NDUFA12: variants seen among roughly 807,000 people sequenced by gnomAD.
NDUFA12 encodes the protein NADH:ubiquinone oxidoreductase subunit A12.
NDUFA12 carries 17 observed loss-of-function variants against 20.3 expected under a neutral mutation model. That is an observed-to-expected ratio of 0.84 (90% confidence interval 0.57 to 1.26). NDUFA12 has a LOEUF of 1.26. Among genes scored for constraint, NDUFA12 ranks in the 50% most tolerant of loss-of-function variants. The probability of loss-of-function intolerance (pLI) is 0.00; values close to 1 mark genes in which losing one functional copy is unlikely to be tolerated. For missense variants in NDUFA12, 191 were observed against 183.7 expected (o/e 1.04, Z -0.23); for synonymous variants, 72 against 63.6 (o/e 1.13, Z -0.63).
chr12:94,994,881 GC>G (rs1183373217), intron 2 of NDUFA12, among the ~76,000 whole-genome samples: 1 of 152,124 alleles, frequency 6.6e-6, no homozygotes, highest in East Asian at 1.9e-4. Flanking sequence ...CTTAAACTGA[GC>G]AAAGACTTGG....
At chr12:95,003,372 C>A (rs547765908) in intron 1 of NDUFA12, among the ~76,000 whole-genome samples, 5 of 152,316 alleles carry the variant, frequency 3.3e-5, no homozygotes. Flanking sequence ...CCCAGATGCC[C>A]TTGCCTCCGA....
intron 3 of NDUFA12, among the ~76,000 whole-genome samples, chr12:94,975,748 A>G (rs964833609): frequency 1.3e-5 from 2 of 152,212 alleles, no homozygotes; most frequent in African/African-American, 4.8e-5. Flanking sequence ...ATTAACATTT[A>G]TGCTATAGAT....
chr12:95,003,464 A>C, intron 1 of NDUFA12, 131 bp downstream of exon 1: 1 of 958,478 alleles, frequency 1.0e-6, no homozygotes, highest in Non-Finnish European at 1.7e-6. Context: ...GTGGCAAGGC[A>C]GAGATTGGGG....
intron 3 of NDUFA12, among the ~76,000 whole-genome samples, chr12:94,981,158 G>A (rs1038993594): frequency 1.3e-5 from 2 of 152,314 alleles, no homozygotes; most frequent in Non-Finnish European, 1.5e-5. Context: ...AGCTGGGCAC[G>A]GTAGTTCACA....
intron 3 of NDUFA12, among the ~76,000 whole-genome samples, chr12:94,991,478 T>C (rs1401902956): frequency 1.3e-5 from 2 of 151,516 alleles, no homozygotes; most frequent in South Asian, 2.1e-4. Flanking sequence ...CTGTAATCCC[T>C]ACACTTTGCG....
intron 3 of NDUFA12, among the ~76,000 whole-genome samples, chr12:94,992,766 GT>G (rs1762126876): frequency 6.6e-6 from 1 of 152,148 alleles, no homozygotes; most frequent in Admixed American, 6.6e-5. Context: ...CAGATACTAA[GT>G]GAACAAGTTT....
chr12:94,979,648 T>C (rs1250423978), intron 3 of NDUFA12, among the ~76,000 whole-genome samples: 2 of 148,082 alleles, frequency 1.4e-5, no homozygotes, highest in Admixed American at 1.4e-4. Context: ...CTGGCTAACA[T>C]GGAGAAACCC....
At chr12:95,002,437 CAAAAAAA>C (rs71075895) in intron 2 of NDUFA12, among the ~76,000 whole-genome samples, 4 of 63,620 alleles carry the variant, frequency 6.3e-5, no homozygotes, top group Admixed American at 2.0e-4. Flanking sequence ...GACTCCATCT[CAAAAAAA>C]AAAAAAAAAA....
Position 94,984,714 on chromosome 12 carries a change from C to CAAA in NDUFA12, c.257+9453_257+9455dup, listed in dbSNP as rs1162774247. On this transcript the variant is annotated intron_variant, in intron 3 of 3. Coordinates refer to ENST00000327772, the MANE Select transcript of NDUFA12 (RefSeq NM_018838.5). Reference sequence around the variant, plus strand: ...AATGACCCCCTCTAATGCTAATAGCCAAAAAAAAAAAACAACAAAAAACCC... The same window carrying CAAA: ...AATGACCCCCTCTAATGCTAATAGCCAAAAAAAAAAAAAAACAACAAAAAACCC... 5.0e-3 allele frequency among the ~76,000 whole-genome samples: 34 copies of CAAA among 6,834 alleles called. 1 individual carries two copies. Among genetic ancestry groups the CAAA allele is most frequent in the African/African-American group, 7.3e-3 (11 of 1,498 alleles). 4.5% of individuals were successfully genotyped at this position (6,834 alleles called of 152,430 possible).
chr12:94,996,324 T>TAC (rs71075891), intron 2 of NDUFA12, among the ~76,000 whole-genome samples: 15,987 of 141,100 alleles, frequency 0.11, 1,079 homozygotes, highest in East Asian at 0.18. Flanking sequence ...CATATATAGG[T>TAC]ACACACACAC....
At chr12:94,982,275 CTT>C (rs201781364) in intron 3 of NDUFA12, among the ~76,000 whole-genome samples, 1 of 135,672 alleles carries the variant, frequency 7.4e-6, no homozygotes. Flanking sequence ...TTTTTCTTTT[CTT>C]TTTTTTTTTT....
chr12:94,999,364 C>G (rs1874944633), intron 2 of NDUFA12, among the ~76,000 whole-genome samples: 1 of 152,146 alleles, frequency 6.6e-6, no homozygotes, highest in South Asian at 2.1e-4. Context: ...AATCTAAGAC[C>G]TGAAAACATA....
rs138721004 is a variant in NDUFA12, at chr12:94,971,446, G to A, written c.432C>T (p.Tyr144=). 8 of 1,614,028 alleles carry A rather than the reference G, an allele frequency of 5.0e-6. No homozygotes were observed. The East Asian group carries it at 1.6e-4, about 31-fold the overall frequency. Residue 144 remains tyrosine (Y), a synonymous_variant, in exon 4 of 4, where the codon TAC becomes TAT. Coordinates refer to ENST00000327772, the MANE Select transcript of NDUFA12 (RefSeq NM_018838.5). ...CAACTGTTCTTCATTGTCTTTACTTGTAAGGTGTTGAAGGTGGGATCCACT... is the reference window on the plus strand; with the variant it reads ...CAACTGTTCTTCATTGTCTTTACTTATAAGGTGTTGAAGGTGGGATCCACT... ...IQEWIPPSTP[Y]K
chr12:94,983,940 G>A (rs896206461), intron 3 of NDUFA12, among the ~76,000 whole-genome samples: 18 of 152,248 alleles, frequency 1.2e-4, no homozygotes, highest in Non-Finnish European at 2.4e-4. Context: ...CCAGCAAGAT[G>A]TGTCAGAGCC....
chr12:94,985,444 G>C (rs562007376), intron 3 of NDUFA12, among the ~76,000 whole-genome samples: 1 of 151,852 alleles, frequency 6.6e-6, no homozygotes, highest in South Asian at 2.1e-4. Flanking sequence ...CTAACATGGT[G>C]AAACCTCGTC....
chr12:94,988,221 A>C (rs1874516890), intron 3 of NDUFA12, among the ~76,000 whole-genome samples: 1 of 152,124 alleles, frequency 6.6e-6, no homozygotes, highest in Non-Finnish European at 1.5e-5. Context: ...AGCCCAACCA[A>C]AAAGCCCTAA....
At chr12:94,989,663 T>C (rs938145310) in intron 3 of NDUFA12, among the ~76,000 whole-genome samples, 1 of 152,252 alleles carries the variant, frequency 6.6e-6, no homozygotes, top group Non-Finnish European at 1.5e-5. Context: ...CTTTGAATCC[T>C]CACTTGCCCT....
intron 3 of NDUFA12, among the ~76,000 whole-genome samples, chr12:94,989,026 G>A (rs944394086): frequency 6.6e-6 from 1 of 152,108 alleles, no homozygotes; most frequent in Non-Finnish European, 1.5e-5. Context: ...TCTTTGAACA[G>A]ACCAAGCAAT....
intron 3 of NDUFA12, among the ~76,000 whole-genome samples, chr12:94,977,428 C>T (rs187185172): frequency 3.3e-5 from 5 of 151,696 alleles, no homozygotes; most frequent in Admixed American, 1.3e-4. Context: ...GTTATGATCA[C>T]GGCACTACAC....
Sources: gnomAD v4.1 joint callset for allele counts (sites outside exome capture counted in the v4.1 genomes callset) on GRCh38, gnomAD v4.1.1 for gene constraint, MANE v1.5 for transcripts, NCBI Gene and HGNC (gene_info 2026-07-23, HGNC 2026-07-21) for gene names.